PTPRD: variants seen among roughly 807,000 people sequenced by gnomAD.
The protein encoded by PTPRD is receptor-type tyrosine-protein phosphatase delta.
Under a neutral mutation model 214.5 loss-of-function variants are expected in PTPRD, and 34 were observed. The observed-to-expected ratio is 0.16, with a 90% CI of 0.12 to 0.21. PTPRD has a LOEUF of 0.21. Among genes scored for constraint, PTPRD ranks in the 10% least tolerant of loss-of-function variants. The pLI is 1.00. For synonymous variants in PTPRD, 1,128 were observed against 845.7 expected (o/e 1.33, Z -5.79); for missense variants, 2,545 against 2,398.7 (o/e 1.06, Z -1.27).
At chr9:8,713,272 T>C (rs1045368587) in intron 12 of PTPRD, 4 of 669,506 alleles carry the variant, frequency 6.0e-6, no homozygotes, top group African/African-American at 1.8e-5. Flanking sequence ...CTTTATCCAC[T>C]GAGCTTTTGC....
chr9:9,954,418 C>A (rs1011424420), intron 4 of PTPRD, among the ~76,000 whole-genome samples: 1 of 143,652 alleles, frequency 7.0e-6, no homozygotes, highest in Non-Finnish European at 1.5e-5. Context: ...TATACTTATT[C>A]TAAAAAGCAC....
chr9:10,437,238 C>A (rs1314237119), intron 2 of PTPRD, among the ~76,000 whole-genome samples: 1 of 151,798 alleles, frequency 6.6e-6, no homozygotes. Flanking sequence ...TATCTTTTAA[C>A]AGAAAGCACT....
At chr9:9,754,687 GGTTT>G (rs1203102937) in intron 6 of PTPRD, among the ~76,000 whole-genome samples, 3 of 151,986 alleles carry the variant, frequency 2.0e-5, no homozygotes, top group Non-Finnish European at 2.9e-5. Flanking sequence ...ATAATTGGAA[GGTTT>G]GTTTCTTCTA....
intron 5 of PTPRD, among the ~76,000 whole-genome samples, chr9:9,801,981 T>C (rs1231182120): frequency 6.6e-6 from 1 of 152,112 alleles, no homozygotes; most frequent in Non-Finnish European, 1.5e-5. Flanking sequence ...ATTTTCAAAA[T>C]TCAAGGATAT....
At chr9:9,201,527 G>T (rs1231549891) in intron 9 of PTPRD, among the ~76,000 whole-genome samples, 1 of 151,650 alleles carries the variant, frequency 6.6e-6, no homozygotes, top group Non-Finnish European at 1.5e-5. Context: ...ACATACATGG[G>T]GAATAGAGTA....
At chr9:8,575,065 T>C (rs1005672473) in intron 14 of PTPRD, among the ~76,000 whole-genome samples, 1 of 152,102 alleles carries the variant, frequency 6.6e-6, no homozygotes, top group African/African-American at 2.4e-5. Context: ...TCAGAGGGTT[T>C]ACAGAACTGT....
intron 9 of PTPRD, among the ~76,000 whole-genome samples, chr9:9,384,479 A>C (rs2063294725): frequency 6.8e-6 from 1 of 146,960 alleles, no homozygotes; most frequent in Admixed American, 7.0e-5. Context: ...GTTGAGGTCG[A>C]GTTTTTGAGC....
At chr9:10,473,215 A>G (rs1330351335) in intron 2 of PTPRD, among the ~76,000 whole-genome samples, 1 of 152,066 alleles carries the variant, frequency 6.6e-6, no homozygotes, top group African/African-American at 2.4e-5. Context: ...AAACATTAGA[A>G]TCAATTAGAA....
chr9:10,411,471 C>T (rs930648313), intron 2 of PTPRD, among the ~76,000 whole-genome samples: 1 of 151,762 alleles, frequency 6.6e-6, no homozygotes, highest in Non-Finnish European at 1.5e-5. Context: ...ATTGTTGACT[C>T]TGCACTTCTG....
intron 41 of PTPRD, among the ~76,000 whole-genome samples, chr9:8,340,827 T>C (rs937243401): frequency 6.6e-6 from 1 of 152,152 alleles, no homozygotes; most frequent in Non-Finnish European, 1.5e-5. Context: ...TTATGAAATA[T>C]GGTACAAAAC....
intron 2 of PTPRD, among the ~76,000 whole-genome samples, chr9:10,598,878 C>T (rs1002738049): frequency 6.6e-6 from 1 of 151,390 alleles, no homozygotes; most frequent in African/African-American, 2.4e-5. Flanking sequence ...TATGACACTA[C>T]CAATTTTTGA....
chr9:10,001,843 C>A (rs910304203), intron 4 of PTPRD, among the ~76,000 whole-genome samples: 1 of 151,902 alleles, frequency 6.6e-6, no homozygotes, highest in Non-Finnish European at 1.5e-5. Flanking sequence ...TAACTTGAGT[C>A]CACATGGAGG....
At chr9:8,894,225 C>A (rs1044769844) in intron 11 of PTPRD, among the ~76,000 whole-genome samples, 11 of 151,612 alleles carry the variant, frequency 7.3e-5, no homozygotes, top group Non-Finnish European at 1.5e-4. Context: ...TGTGGTAATG[C>A]GTGCCTGTAA....
intron 4 of PTPRD, among the ~76,000 whole-genome samples, chr9:9,998,991 G>T (rs1053273349): frequency 6.6e-6 from 1 of 152,062 alleles, no homozygotes; most frequent in South Asian, 2.1e-4. Context: ...AGGGGACATC[G>T]AAAGGAAACA....
At chr9:8,924,219 T>G (rs542234488) in intron 11 of PTPRD, among the ~76,000 whole-genome samples, 1 of 134,864 alleles carries the variant, frequency 7.4e-6, no homozygotes, top group East Asian at 2.3e-4. Context: ...AGGATCAACA[T>G]TGGCAAAGTA....
chr9:10,507,055 A>G (rs1433026378), intron 2 of PTPRD, among the ~76,000 whole-genome samples: 3 of 151,972 alleles, frequency 2.0e-5, no homozygotes, highest in African/African-American at 7.2e-5. Context: ...TTGCCCATTC[A>G]GTATCCCAAA....
chr9:8,408,306 T>C (rs1314520681), intron 35 of PTPRD, among the ~76,000 whole-genome samples: 1 of 152,174 alleles, frequency 6.6e-6, no homozygotes, highest in African/African-American at 2.4e-5. Flanking sequence ...CCTTTGTTCT[T>C]AATGGACTCA....
chr9:10,127,064 C>T (rs758243596), intron 3 of PTPRD, among the ~76,000 whole-genome samples: 19 of 150,952 alleles, frequency 1.3e-4, no homozygotes, highest in Non-Finnish European at 2.2e-4. Flanking sequence ...CACATAAATT[C>T]ATTCAAACAG....
At chr9:9,539,401 T>G (rs1272743950) in intron 8 of PTPRD, among the ~76,000 whole-genome samples, 3 of 151,818 alleles carry the variant, frequency 2.0e-5, no homozygotes, top group Admixed American at 1.3e-4. Flanking sequence ...GAAAATGACT[T>G]TTGTCTCTTG....
Sources: allele counts gnomAD v4.1 joint callset (sites outside exome capture counted in the v4.1 genomes callset), GRCh38; gene constraint gnomAD v4.1.1; transcripts MANE v1.5; gene names NCBI Gene and HGNC (gene_info 2026-07-23, HGNC 2026-07-21).